Variants in FNIP1 observed in about 807,000 individuals in gnomAD.
The protein encoded by FNIP1 is folliculin-interacting protein 1.
In FNIP1, 40 loss-of-function variants were observed where a neutral mutation model predicts 124.5. That is an observed-to-expected ratio of 0.32 (90% CI 0.25 to 0.42). The LOEUF (loss-of-function observed/expected upper bound fraction) is 0.42, where lower values mean the gene tolerates loss of function less well. Ranked by LOEUF, FNIP1 falls within the 10% of genes least tolerant of loss-of-function variation. The pLI, the probability that FNIP1 is intolerant of heterozygous loss-of-function variation, is 1.00. For synonymous variants in FNIP1, 472 were observed against 470.6 expected, an observed-to-expected ratio of 1.00 and a Z score of -0.04; for missense variants, 1,176 against 1,403.7, an observed-to-expected ratio of 0.84 and a Z score of 2.59.
chr5:131,722,787 G>A (rs943018636), intron 3 of FNIP1, among the ~76,000 whole-genome samples: 2 of 152,194 alleles, frequency 1.3e-5, no homozygotes, highest in Non-Finnish European at 2.9e-5. Context: ...CTGGGTTCAA[G>A]CAATTCTCCT....
Position 131,785,027 on chromosome 5 carries a change from GAC to G in FNIP1, c.92+11801_92+11802del, listed in dbSNP as rs1491475918. ...ATATGACTATATATATGATATATAT[GAC>G]ATATATATGATATATATGACTATAT... is the stretch of plus-strand genomic sequence containing the variant. On this transcript the variant is annotated intron_variant, in intron 1 of 17. Coordinates refer to ENST00000510461, the MANE Select transcript of FNIP1 (RefSeq NM_133372.3). Among the ~76,000 whole-genome samples the G allele has an allele frequency of 1.6e-3, 20 of 12,842 alleles. 1 individual carries two copies. Among genetic ancestry groups the G allele is most frequent in the African/African-American group, 3.8e-3 (17 of 4,428 alleles). 8.4% of individuals were successfully genotyped at this position (12,842 alleles called of 152,430 possible).
intron 2 of FNIP1, among the ~76,000 whole-genome samples, chr5:131,736,348 T>A (rs553417600): frequency 4.6e-4 from 70 of 152,310 alleles, no homozygotes; most frequent in Middle Eastern, 3.4e-3. Context: ...ACAGGTTAAA[T>A]AACTTCACCA....
intron 2 of FNIP1, 91 bp from the exon 3 acceptor site, chr5:131,731,129 G>A: frequency 8.2e-7 from 1 of 1,216,324 alleles, no homozygotes; most frequent in Non-Finnish European, 1.1e-6. Context: ...GAAAAACCAA[G>A]AATGAAATAA....
Position 131,782,225 on chromosome 5 carries a change from C to A in FNIP1, c.92+14605G>T, listed in dbSNP as rs116645588. On this transcript the variant is annotated intron_variant, in intron 1 of 17. Transcript: ENST00000510461. ...CTATAGCTGCCATAAATAAGTGATT[C>A]TTCTGATAAATCTGGGAAAATAAAA... 8.9e-3 allele frequency among the ~76,000 whole-genome samples: 1,348 copies of A among 152,156 alleles called. 24 individuals are homozygous for A. Among genetic ancestry groups the A allele is most frequent in the African/African-American group, 0.031 (1,281 of 41,510 alleles).
chr5:131,684,493 A>C (rs1265410231), intron 11 of FNIP1, among the ~76,000 whole-genome samples: 1 of 152,188 alleles, frequency 6.6e-6, no homozygotes, highest in Middle Eastern at 3.2e-3. Context: ...TTGCACAGCA[A>C]CTGAAGCAAA....
intron 2 of FNIP1, among the ~76,000 whole-genome samples, chr5:131,735,461 A>ATATATATTTT (rs943464303): frequency 1.3e-5 from 2 of 148,860 alleles, no homozygotes; most frequent in African/African-American, 2.5e-5. Context: ...AGTATTTTAT[A>ATATATATTTT]TATATACACA....
intron 11 of FNIP1, among the ~76,000 whole-genome samples, chr5:131,686,897 A>G (rs56225468): frequency 0.03 from 4,591 of 151,944 alleles, 228 homozygotes; most frequent in African/African-American, 0.1. Flanking sequence ...TATTACCAAA[A>G]GAGTTTGTGA....
At chr5:131,687,019 C>CA (rs748836156) in intron 11 of FNIP1, among the ~76,000 whole-genome samples, 1,157 of 72,984 alleles carry the variant, frequency 0.016, 3 homozygotes, top group Middle Eastern at 0.041. Context: ...TTTCCTTTCT[C>CA]AAAAAAAAAA....
intron 3 of FNIP1, among the ~76,000 whole-genome samples, chr5:131,719,701 C>A (rs1769592742): frequency 6.6e-6 from 1 of 152,148 alleles, no homozygotes; most frequent in African/African-American, 2.4e-5. Context: ...TACTCACGGG[C>A]ATTTAAGTCA....
At position 131,745,158 on chromosome 5, in the gene FNIP1, CA is replaced by C. The variant is rs1172916159; in HGVS notation, c.93-469del. On this transcript the variant is annotated intron_variant, in intron 1 of 17. Transcript: ENST00000510461. ...AGGACTTACAAGACAAAAAACAAGC[CA>C]AAAAAAAAAAAGTGGAGAGCAATCA... Among the ~76,000 whole-genome samples, 141 of 134,374 alleles carry C rather than the reference CA, an allele frequency of 1.0e-3. 1 individual carries two copies. The highest frequency in any genetic ancestry group is 1.2e-3 in the Admixed American group (16 of 13,366). The allele number at this position is 134,374 out of a possible 152,430, so 88.2% of individuals were successfully genotyped here.
At chr5:131,760,661 T>C (rs923713329) in intron 1 of FNIP1, among the ~76,000 whole-genome samples, 2 of 152,166 alleles carry the variant, frequency 1.3e-5, no homozygotes, top group Non-Finnish European at 2.9e-5. Context: ...TAGTTGTTCT[T>C]TCCTGAGCCT....
At chr5:131,680,679 G>C (rs1435537871) in intron 11 of FNIP1, among the ~76,000 whole-genome samples, 1 of 152,162 alleles carries the variant, frequency 6.6e-6, no homozygotes, top group Non-Finnish European at 1.5e-5. Flanking sequence ...CCAGCTCTTT[G>C]GGAGACTGGG....
At chr5:131,671,020 C>T (rs1437315753) in intron 14 of FNIP1, among the ~76,000 whole-genome samples, 1 of 152,158 alleles carries the variant, frequency 6.6e-6, no homozygotes, top group Non-Finnish European at 1.5e-5. Flanking sequence ...AAACAATCAT[C>T]TAAAACAAAA....
chr5:131,763,734 T>G (rs1463215218), intron 1 of FNIP1, among the ~76,000 whole-genome samples: 1 of 152,198 alleles, frequency 6.6e-6, no homozygotes, highest in East Asian at 1.9e-4. Context: ...TTTACATGTT[T>G]TAAGCTAAAA....
intron 1 of FNIP1, among the ~76,000 whole-genome samples, chr5:131,794,559 G>GA (rs1394721739): frequency 6.6e-6 from 1 of 152,106 alleles, no homozygotes; most frequent in Non-Finnish European, 1.5e-5. Flanking sequence ...CAAATCTGGG[G>GA]AAAAAATATG....
In FNIP1 at chr5:131,643,794, A is replaced by G. The variant is rs1023627804; in HGVS notation, c.*891T>C. 15 of 152,588 alleles carry G rather than the reference A, an allele frequency of 9.8e-5. No individual in the cohort carries two copies. Among genetic ancestry groups the G allele is most frequent in the Middle Eastern group, 3.2e-3 (1 of 316 alleles). 9.5% of individuals were successfully genotyped at this position (152,588 alleles called of 1,614,324 possible). A position where few individuals can be genotyped will look rare whatever the true frequency, so the allele number is the denominator to read the frequency against. On this transcript the variant is annotated 3_prime_UTR_variant, in exon 18 of 18. Transcript: ENST00000510461. ...CCTGAGCACTTTTAAAGAATATAGT[A>G]TTGTTTTTGCCGATGCTTTGGTGCA...
chr5:131,749,722 T>C (rs1049596007), intron 1 of FNIP1, among the ~76,000 whole-genome samples: 8 of 152,124 alleles, frequency 5.3e-5, no homozygotes, highest in African/African-American at 1.9e-4. Flanking sequence ...ATATTTTTGC[T>C]GTACCTTTTC....
intron 15 of FNIP1, among the ~76,000 whole-genome samples, chr5:131,658,454 A>C (rs1767277044): frequency 6.6e-6 from 1 of 151,876 alleles, no homozygotes; most frequent in South Asian, 2.1e-4. Context: ...TAAGGTGTGC[A>C]ATTTTATTCA....
intron 15 of FNIP1, among the ~76,000 whole-genome samples, chr5:131,664,628 C>G (rs1767538370): frequency 1.1e-5 from 1 of 91,836 alleles, no homozygotes; most frequent in African/African-American, 4.6e-5. Flanking sequence ...GAGCAAGACC[C>G]TGTCTCAAAA....
Sources: allele counts gnomAD v4.1 joint callset (sites outside exome capture counted in the v4.1 genomes callset), GRCh38; gene constraint gnomAD v4.1.1; transcripts MANE v1.5; gene names NCBI Gene and HGNC (gene_info 2026-07-23, HGNC 2026-07-21).